Variants in KDM4C observed in about 807,000 individuals in gnomAD.
KDM4C encodes the protein lysine-specific demethylase 4C.
Under a neutral mutation model 129.3 loss-of-function variants are expected in KDM4C, and 81 were observed. That is an observed-to-expected ratio of 0.63 (90% CI 0.52 to 0.75). The LOEUF (loss-of-function observed/expected upper bound fraction) is 0.75. Ranked by LOEUF, KDM4C falls within the 30% of genes least tolerant of loss-of-function variation. The pLI is 0.00. For synonymous variants in KDM4C, 573 were observed against 456.1 expected (o/e 1.26, Z -3.26); for missense variants, 1,457 against 1,304.0 (o/e 1.12, Z -1.81).
intron 8 of KDM4C, among the ~76,000 whole-genome samples, chr9:6,942,848 T>G (rs1407795306): frequency 2.6e-5 from 4 of 152,104 alleles, no homozygotes; most frequent in African/African-American, 9.7e-5. Context: ...TGCTGAGCAG[T>G]GGTTACCTCT....
chr9:7,075,590 C>T (rs1233260758), intron 17 of KDM4C, among the ~76,000 whole-genome samples: 1 of 152,168 alleles, frequency 6.6e-6, no homozygotes, highest in Non-Finnish European at 1.5e-5. Context: ...CTTCTGCTTT[C>T]CACAGTGAGT....
chr9:7,130,885 A>T (rs550701590), intron 19 of KDM4C, among the ~76,000 whole-genome samples: 14 of 150,334 alleles, frequency 9.3e-5, no homozygotes, highest in Non-Finnish European at 1.9e-4. Context: ...CAGCCTCTTG[A>T]GTAGCTGGGA....
intron 1 of KDM4C, among the ~76,000 whole-genome samples, chr9:6,752,332 CAAAAAAAA>C (rs1159747148): frequency 0.012 from 224 of 19,252 alleles, no homozygotes; most frequent in African/African-American, 0.034. Context: ...AACTCCGTCT[CAAAAAAAA>C]AAAAAAAAAA....
chr9:6,995,521 A>G (rs1428487481), intron 12 of KDM4C, among the ~76,000 whole-genome samples: 2 of 152,234 alleles, frequency 1.3e-5, no homozygotes, highest in African/African-American at 4.8e-5. Context: ...GAATGTTTTC[A>G]AAGTATCATC....
chr9:6,857,424 T>C (rs1404451787), intron 5 of KDM4C, among the ~76,000 whole-genome samples: 2 of 152,236 alleles, frequency 1.3e-5, no homozygotes, highest in Non-Finnish European at 2.9e-5. Context: ...CAGTGCTAAC[T>C]GGTAGTAAAA....
At chr9:6,738,788 A>C (rs183553318) in intron 1 of KDM4C, among the ~76,000 whole-genome samples, 21 of 151,300 alleles carry the variant, frequency 1.4e-4, no homozygotes, top group African/African-American at 5.1e-4. Context: ...TTTGAGAGAC[A>C]GGGTTTCACC....
At chr9:6,944,652 GT>G (rs1158199897) in intron 8 of KDM4C, among the ~76,000 whole-genome samples, 504 of 80,974 alleles carry the variant, frequency 6.2e-3, no homozygotes, top group African/African-American at 0.02. Context: ...CAAGGTAGAG[GT>G]TTTTTTTTTT....
At chr9:6,798,256 C>CTTTTTTTTTTT (rs71315565) in intron 2 of KDM4C, among the ~76,000 whole-genome samples, 1 of 142,070 alleles carries the variant, frequency 7.0e-6, no homozygotes. Context: ...TTCTTTCTTT[C>CTTTTTTTTTTT]TTTTTTTTTT....
chr9:6,767,781 C>CA (rs1455265727), intron 1 of KDM4C, among the ~76,000 whole-genome samples: 1 of 152,112 alleles, frequency 6.6e-6, no homozygotes, highest in Non-Finnish European at 1.5e-5. Context: ...ATTTAACTTT[C>CA]AAAAAGGAAT....
At chr9:7,102,309 CTTTTTTTT>C (rs34614459) in intron 17 of KDM4C, among the ~76,000 whole-genome samples, 34 of 89,988 alleles carry the variant, frequency 3.8e-4, no homozygotes, top group Admixed American at 1.2e-3. Context: ...ATGGTTTTCC[CTTTTTTTT>C]TTTTTTTTTT....
In KDM4C at chr9:6,750,341, C is replaced by A. The variant is rs550645570; in HGVS notation, c.49+29344C>A. Among the ~76,000 whole-genome samples the A allele has an allele frequency of 5.9e-4, 89 of 151,166 alleles. No individual in the cohort carries two copies. In the South Asian group the frequency reaches 7.3e-3, roughly 12 times the overall value. ...GTAGCCCCAGCTACTCAGGGGGCTACGGCAGGAGAATCGCTTGAACCTGGG... is the reference window on the plus strand; with the variant it reads ...GTAGCCCCAGCTACTCAGGGGGCTAAGGCAGGAGAATCGCTTGAACCTGGG... On this transcript the variant is annotated intron_variant, in intron 1 of 17. Transcript: ENST00000536108.
At chr9:6,970,294 A>G (rs1020777832) in intron 8 of KDM4C, among the ~76,000 whole-genome samples, 2 of 152,210 alleles carry the variant, frequency 1.3e-5, no homozygotes, top group African/African-American at 4.8e-5. Context: ...CCAGTGATGA[A>G]CATTGAAAAC....
chr9:6,793,908 T>A (rs758541249), intron 2 of KDM4C, among the ~76,000 whole-genome samples: 4 of 152,172 alleles, frequency 2.6e-5, no homozygotes, highest in Non-Finnish European at 5.9e-5. Flanking sequence ...AATGCATCCA[T>A]TTAAAGTGTG....
At chr9:6,899,027 A>C (rs1816910351) in intron 8 of KDM4C, among the ~76,000 whole-genome samples, 1 of 151,236 alleles carries the variant, frequency 6.6e-6, no homozygotes, top group Non-Finnish European at 1.5e-5. Flanking sequence ...TATAATATGA[A>C]CTTAGTGAGT....
rs562739504 is a variant in KDM4C, at chr9:6,899,926, A to G, written c.921+6694A>G. ...CAAGGCATTATCTGCTTTTGAGTCT[A>G]TAGTTTGTCAGTACCTTAAAAGAAA... On this transcript the variant is annotated intron_variant, in intron 8 of 21. Coordinates refer to ENST00000381309, the MANE Select transcript of KDM4C (RefSeq NM_015061.6). 2.5e-4 allele frequency among the ~76,000 whole-genome samples: 38 copies of G among 152,332 alleles called. No homozygotes were observed. The South Asian group carries it at 6.4e-3, about 26-fold the overall frequency.
chr9:6,965,517 G>A (rs998925278), intron 8 of KDM4C, among the ~76,000 whole-genome samples: 21 of 152,136 alleles, frequency 1.4e-4, no homozygotes, highest in African/African-American at 4.6e-4. Flanking sequence ...GGATATGTCA[G>A]CATACTTAAT....
At chr9:6,849,195 G>C (rs1016912840) in intron 4 of KDM4C, among the ~76,000 whole-genome samples, 1 of 152,188 alleles carries the variant, frequency 6.6e-6, no homozygotes, top group African/African-American at 2.4e-5. Flanking sequence ...CTTTGAATCA[G>C]TAATTTTTTG....
intron 8 of KDM4C, among the ~76,000 whole-genome samples, chr9:6,933,009 G>C (rs1248556885): frequency 6.6e-6 from 1 of 152,188 alleles, no homozygotes; most frequent in Non-Finnish European, 1.5e-5. Flanking sequence ...CTGCTTTTTA[G>C]GTTGTACAAG....
At chr9:6,801,120 C>G (rs1029283450) in intron 2 of KDM4C, among the ~76,000 whole-genome samples, 2 of 151,722 alleles carry the variant, frequency 1.3e-5, no homozygotes, top group Non-Finnish European at 2.9e-5. Context: ...GTTTCTTTAT[C>G]TGATGACGCT....
Sources: gnomAD v4.1 joint callset for allele counts (sites outside exome capture counted in the v4.1 genomes callset) on GRCh38, gnomAD v4.1.1 for gene constraint, MANE v1.5 for transcripts, NCBI Gene and HGNC (gene_info 2026-07-23, HGNC 2026-07-21) for gene names.